The following ARMC2 variants were observed in gnomAD, a reference collection of about 807,000 sequenced individuals.
ARMC2 encodes the protein armadillo repeat-containing protein 2.
ARMC2 carries 67 observed loss-of-function variants against 90.3 expected under a neutral mutation model. The observed-to-expected ratio is 0.74, with a 90% CI of 0.61 to 0.91. The LOEUF (loss-of-function observed/expected upper bound fraction) is 0.91, where lower values mean the gene tolerates loss of function less well. ARMC2 is among the 40% of genes least tolerant of loss of function. The pLI, the probability that ARMC2 is intolerant of heterozygous loss-of-function variation, is 0.00. For synonymous variants in ARMC2, 393 were observed against 393.0 expected (o/e 1.00, Z 0.00); for missense variants, 920 against 1,030.9 (o/e 0.89, Z 1.47).
chr6:108,981,755 CT>C, the ARMC2 span, among the ~76,000 whole-genome samples: 1 of 152,154 alleles, frequency 6.6e-6, no homozygotes, highest in Admixed American at 6.5e-5. Context: ...GCAACCTCCG[CT>C]TCCCGGGTTC....
chr6:108,922,183 A>C (rs1287897403), intron 10 of ARMC2, among the ~76,000 whole-genome samples: 1 of 152,206 alleles, frequency 6.6e-6, no homozygotes, highest in East Asian at 1.9e-4. Flanking sequence ...CACCCACTGC[A>C]GTAGAGAACG....
chr6:109,012,804 G>A, the ARMC2 span, among the ~76,000 whole-genome samples: 732 of 152,186 alleles, frequency 4.8e-3, 3 homozygotes, highest in Non-Finnish European at 7.3e-3. Context: ...GAGAGTAACG[G>A]AAGGAGTTTA....
At chr6:108,966,544 G>T (rs905641665) in intron 17 of ARMC2, among the ~76,000 whole-genome samples, 4 of 152,154 alleles carry the variant, frequency 2.6e-5, no homozygotes, top group Non-Finnish European at 5.9e-5. Flanking sequence ...AATTGGGTTT[G>T]CTAGGTTGAT....
chr6:108,886,669 G>C (rs1778139312), intron 5 of ARMC2, among the ~76,000 whole-genome samples: 1 of 152,094 alleles, frequency 6.6e-6, no homozygotes, highest in Admixed American at 6.5e-5. Flanking sequence ...CAGCCCTTGA[G>C]CTAATAATGG....
At chr6:108,871,036 A>G (rs1025408135) in intron 4 of ARMC2, among the ~76,000 whole-genome samples, 1 of 152,214 alleles carries the variant, frequency 6.6e-6, no homozygotes, top group African/African-American at 2.4e-5. Context: ...GCAGCTGAAT[A>G]GGAAGGTGCC....
At chr6:109,024,594 T>C in the ARMC2 span, among the ~76,000 whole-genome samples, 1 of 152,200 alleles carries the variant, frequency 6.6e-6, no homozygotes, top group African/African-American at 2.4e-5. Context: ...ACTCAATAAG[T>C]TGAAAATATC....
intron 5 of ARMC2, among the ~76,000 whole-genome samples, chr6:108,879,436 C>T (rs1358349048): frequency 6.6e-6 from 1 of 151,298 alleles, no homozygotes; most frequent in African/African-American, 2.4e-5. Context: ...TCCACCTATC[C>T]ATGCACCCAT....
chr6:108,988,447 G>C, the ARMC2 span: 2 of 1,081,400 alleles, frequency 1.8e-6, no homozygotes, highest in Non-Finnish European at 2.6e-6. Context: ...GGGTTGGTAG[G>C]GGTGATGGAA....
chr6:108,926,544 G>A (rs1583142306), intron 10 of ARMC2, among the ~76,000 whole-genome samples: 1 of 152,146 alleles, frequency 6.6e-6, no homozygotes, highest in African/African-American at 2.4e-5. Flanking sequence ...GGCCAACATG[G>A]CGAAACCTTG....
chr6:108,977,374 T>C (rs1054227615), downstream of ARMC2, among the ~76,000 whole-genome samples: 4 of 152,210 alleles, frequency 2.6e-5, no homozygotes, highest in Non-Finnish European at 5.9e-5. Context: ...GATAAGCTTT[T>C]TGATGTGCTG....
At chr6:108,967,852 C>T (rs930661866) in intron 17 of ARMC2, among the ~76,000 whole-genome samples, 29 of 152,132 alleles carry the variant, frequency 1.9e-4, no homozygotes, top group African/African-American at 6.0e-4. Flanking sequence ...GTGCTTCTCC[C>T]GCCTCTGTGC....
intron 12 of ARMC2, among the ~76,000 whole-genome samples, chr6:108,938,744 A>G (rs1375904271): frequency 6.6e-6 from 1 of 151,750 alleles, no homozygotes; most frequent in Admixed American, 6.6e-5. Flanking sequence ...ATTTCAAGTT[A>G]TGTTATAATC....
chr6:108,984,334 T>C, the ARMC2 span, among the ~76,000 whole-genome samples: 2 of 152,048 alleles, frequency 1.3e-5, no homozygotes, highest in African/African-American at 4.8e-5. Context: ...AGAAATTTAT[T>C]GCTCACAGTT....
chr6:109,049,708 ATATAT>A, the ARMC2 span, among the ~76,000 whole-genome samples: 10 of 150,050 alleles, frequency 6.7e-5, no homozygotes, highest in African/African-American at 9.7e-5. Context: ...ATTTATATTA[ATATAT>A]TATATACTAA....
At chr6:108,864,538 C>T (rs926982568) in intron 3 of ARMC2, among the ~76,000 whole-genome samples, 6 of 152,286 alleles carry the variant, frequency 3.9e-5, no homozygotes, top group Middle Eastern at 3.4e-3. Flanking sequence ...TGAGCCACCA[C>T]GCCTGGCGGC....
chr6:108,858,237 C>T lies in ARMC2; in HGVS notation c.257C>T (p.Pro86Leu), dbSNP rs1286973073. ...ASSFESSDSR[P>L]ISGTRLSPLE... ...AGTTTTGAGTCATCTGATTCCAGGC[C>T]TATCTCTGGCACACGTCTTAGTCCA... Residue 86 changes from proline (P) to leucine (L), a missense_variant, in exon 3 of 18, where the codon CCT (proline) becomes CTT (leucine). By Grantham distance (98) the Pro-to-Leu change is moderately conservative (BLOSUM62 -3). Coordinates refer to ENST00000392644, the MANE Select transcript of ARMC2 (RefSeq NM_032131.6). The T allele has an allele frequency of 1.9e-6, 3 of 1,611,024 alleles. No individual in the cohort carries two copies. Among genetic ancestry groups the T allele is most frequent in the Non-Finnish European group, 1.7e-6 (2 of 1,177,948 alleles).
chr6:108,966,501 A>G (rs1417525286), intron 17 of ARMC2, among the ~76,000 whole-genome samples: 1 of 152,202 alleles, frequency 6.6e-6, no homozygotes, highest in Non-Finnish European at 1.5e-5. Context: ...CGTGCTACTA[A>G]ACAGAAACTG....
the ARMC2 span, among the ~76,000 whole-genome samples, chr6:109,044,354 T>C: frequency 1.3e-5 from 1 of 79,558 alleles, no homozygotes; most frequent in Non-Finnish European, 2.4e-5. Flanking sequence ...AAAAAAGGAG[T>C]ACAGGCAATT....
chr6:108,976,122 GT>G (rs1778979251), downstream of ARMC2, among the ~76,000 whole-genome samples: 1 of 152,134 alleles, frequency 6.6e-6, no homozygotes, highest in Non-Finnish European at 1.5e-5. Context: ...TTCTTCTAGG[GT>G]TTTTATGGTT....
Sources: allele counts gnomAD v4.1 joint callset (sites outside exome capture counted in the v4.1 genomes callset), GRCh38; gene constraint gnomAD v4.1.1; transcripts MANE v1.5; gene names NCBI Gene and HGNC (gene_info 2026-07-23, HGNC 2026-07-21).